The following GRB10 variants were observed in gnomAD, a reference collection of about 807,000 sequenced individuals.
The protein encoded by GRB10 is growth factor receptor bound protein 10, also known as growth factor receptor-bound protein 10.
A neutral mutation model predicts 80.9 loss-of-function variants in GRB10; 20 were observed. That is an observed-to-expected ratio of 0.25 (90% CI 0.17 to 0.36). The LOEUF (loss-of-function observed/expected upper bound fraction) is 0.36. Among genes scored for constraint, GRB10 ranks in the 10% least tolerant of loss-of-function variants. GRB10 has a pLI of 1.00. For missense variants in GRB10, 548 were observed against 747.7 expected (o/e 0.73, Z 3.12); for synonymous variants, 291 against 291.5 (o/e 1.00, Z 0.02).
intron 1 of GRB10, among the ~76,000 whole-genome samples, chr7:50,789,678 G>A (rs1230833179): frequency 6.6e-6 from 1 of 152,192 alleles, no homozygotes; most frequent in Non-Finnish European, 1.5e-5. Flanking sequence ...TTAGGGATCT[G>A]AAAAGACTAG....
chr7:50,666,277 T>A (rs2059788603), intron 7 of GRB10, among the ~76,000 whole-genome samples: 1 of 152,162 alleles, frequency 6.6e-6, no homozygotes, highest in African/African-American at 2.4e-5. Flanking sequence ...AACCTCTTGG[T>A]CTCAGGGTCT....
intron 4 of GRB10, chr7:50,710,945 A>G (rs2065804113): frequency 6.2e-7 from 1 of 1,600,446 alleles, no homozygotes; most frequent in Non-Finnish European, 8.6e-7. Flanking sequence ...AGTGGGTATC[A>G]CGTGGCTGTG....
chr7:50,665,157 C>T (rs2059671604), intron 7 of GRB10, among the ~76,000 whole-genome samples: 1 of 152,182 alleles, frequency 6.6e-6, no homozygotes, highest in Non-Finnish European at 1.5e-5. Context: ...AACCATACAT[C>T]ACGGTTCCTC....
At chr7:50,768,651 A>C (rs1384865948) in intron 2 of GRB10, among the ~76,000 whole-genome samples, 1 of 152,230 alleles carries the variant, frequency 6.6e-6, no homozygotes, top group Non-Finnish European at 1.5e-5. Flanking sequence ...CCAAAAGTGC[A>C]ACCAAACTTC....
At chr7:50,787,805 G>C (rs2078756433), upstream of GRB10, among the ~76,000 whole-genome samples, 1 of 152,246 alleles carries the variant, frequency 6.6e-6, no homozygotes, top group African/African-American at 2.4e-5. Flanking sequence ...CTTCAGAAGA[G>C]GGAGTGCGGT....
At chr7:50,683,545 T>C (rs13243873) in intron 5 of GRB10, among the ~76,000 whole-genome samples, 81,520 of 152,060 alleles carry the variant, frequency 0.54, 22,043 homozygotes, top group Admixed American at 0.57. Flanking sequence ...GAGACCAGCC[T>C]GATCAACATG....
chr7:50,609,611 C>T (rs141414734), intron 13 of GRB10, among the ~76,000 whole-genome samples: 1 of 152,304 alleles, frequency 6.6e-6, no homozygotes, highest in Admixed American at 6.5e-5. Context: ...AATGTCAGGT[C>T]ATGTAAAACC....
chr7:50,655,671 G>C (rs1434304494), intron 7 of GRB10, among the ~76,000 whole-genome samples: 1 of 152,152 alleles, frequency 6.6e-6, no homozygotes, highest in African/African-American at 2.4e-5. Flanking sequence ...ACTGCAGCAG[G>C]CAAAGCAAAG....
intron 15 of GRB10, chr7:50,604,808 G>A: frequency 3.2e-6 from 1 of 313,556 alleles, no homozygotes; most frequent in Non-Finnish European, 6.1e-6. Flanking sequence ...CTCCTGCTTT[G>A]CACATGGCCT....
intron 13 of GRB10, 33 bp downstream of exon 13, chr7:50,612,708 T>C (rs750162201): frequency 3.5e-6 from 5 of 1,439,678 alleles, no homozygotes; most frequent in Non-Finnish European, 4.9e-6. Flanking sequence ...CGAAGAGATG[T>C]GCACTCAACA....
intron 3 of GRB10, 130 bp downstream of exon 3, chr7:50,755,757 G>C (rs2074979496): frequency 2.5e-6 from 1 of 397,198 alleles, no homozygotes; most frequent in Non-Finnish European, 4.4e-6. Context: ...TGGGAACCTT[G>C]GAATAAAGGT....
chr7:50,792,712 T>G (rs115306625), intron 1 of GRB10: 8 of 350,306 alleles, frequency 2.3e-5, no homozygotes, highest in Admixed American at 4.7e-5. Flanking sequence ...GGCACCACTG[T>G]CCCGGACGCC....
intron 18 of GRB10, among the ~76,000 whole-genome samples, chr7:50,595,219 G>T (rs879498688): frequency 1.3e-5 from 2 of 152,122 alleles, no homozygotes; most frequent in Admixed American, 1.3e-4. Flanking sequence ...CTCAAGGGGG[G>T]CCTCAACACC....
chr7:50,685,609 C>A (rs780603836), intron 5 of GRB10, among the ~76,000 whole-genome samples: 1 of 152,118 alleles, frequency 6.6e-6, no homozygotes, highest in African/African-American at 2.4e-5. Context: ...GAGTTCATGA[C>A]GCTCCCAGTT....
intron 7 of GRB10, among the ~76,000 whole-genome samples, chr7:50,627,369 A>G (rs777191344): frequency 2.6e-5 from 4 of 152,184 alleles, no homozygotes; most frequent in Non-Finnish European, 5.9e-5. Flanking sequence ...ACAAGCAAGC[A>G]ACAACAAATC....
intron 7 of GRB10, among the ~76,000 whole-genome samples, chr7:50,638,077 G>A (rs552057127): frequency 2.0e-5 from 3 of 152,124 alleles, no homozygotes; most frequent in Non-Finnish European, 4.4e-5. Context: ...CTGGACCCTT[G>A]TCTGAATGAA....
At chr7:50,720,222 A>T (rs1386493664) in intron 4 of GRB10, among the ~76,000 whole-genome samples, 1 of 152,224 alleles carries the variant, frequency 6.6e-6, no homozygotes, top group Non-Finnish European at 1.5e-5. Context: ...ACCTCACAAA[A>T]GTTAAAAATA....
chr7:50,704,735 A>T (rs976551408), intron 4 of GRB10, among the ~76,000 whole-genome samples: 2 of 152,226 alleles, frequency 1.3e-5, no homozygotes, highest in African/African-American at 4.8e-5. Context: ...GACCTTCCAG[A>T]TTGCAAACTG....
chr7:50,759,627 T>C (rs1354475801), intron 2 of GRB10, among the ~76,000 whole-genome samples: 1 of 152,228 alleles, frequency 6.6e-6, no homozygotes, highest in African/African-American at 2.4e-5. Flanking sequence ...TATATTTGAT[T>C]GTTTATGGGG....
Sources: allele counts gnomAD v4.1 joint callset (sites outside exome capture counted in the v4.1 genomes callset), GRCh38; gene constraint gnomAD v4.1.1; transcripts MANE v1.5; gene names NCBI Gene and HGNC (gene_info 2026-07-23, HGNC 2026-07-21).